The following IL1RAPL2 variants were observed in gnomAD, a reference collection of about 807,000 sequenced individuals.
IL1RAPL2 encodes X-linked interleukin-1 receptor accessory protein-like 2.
Under a neutral mutation model 44.1 loss-of-function variants are expected in IL1RAPL2, and 3 were observed. The ratio of observed to expected loss-of-function variants is 0.07; its 90% CI spans 0.03 to 0.18. The LOEUF is 0.18. IL1RAPL2 is among the 10% of genes least tolerant of loss of function. IL1RAPL2 has a pLI of 1.00. For synonymous variants in IL1RAPL2, 181 were observed against 178.8 expected, an observed-to-expected ratio of 1.01 and a Z score of -0.10; for missense variants, 391 against 496.4, an observed-to-expected ratio of 0.79 and a Z score of 2.02.
chrX:105,429,124 C>A (rs375130152), intron 5 of IL1RAPL2, among the ~76,000 whole-genome samples: 1 of 111,473 alleles, frequency 9.0e-6, no homozygotes, highest in Non-Finnish European at 1.9e-5. Flanking sequence ...ACAAAGAAAT[C>A]GTTCACCACT....
intron 5 of IL1RAPL2, among the ~76,000 whole-genome samples, chrX:105,447,075 T>TTA (rs1205983853): frequency 0.034 from 573 of 16,870 alleles, 35 homozygotes; most frequent in South Asian, 0.14. Context: ...CTGGTTAAAA[T>TTA]TATATATATA....
At chrX:104,739,250 G>T (rs1326578022) in intron 2 of IL1RAPL2, among the ~76,000 whole-genome samples, 1 of 111,664 alleles carries the variant, frequency 9.0e-6, no homozygotes, top group South Asian at 3.7e-4. Context: ...AAGAAATGTT[G>T]GTTCTCTTAT....
intron 2 of IL1RAPL2, among the ~76,000 whole-genome samples, chrX:104,998,391 T>A (rs1349105053): frequency 9.0e-6 from 1 of 110,886 alleles, no homozygotes; most frequent in African/African-American, 3.3e-5. Flanking sequence ...TTTTTCAAGA[T>A]TTGCCTTGAA....
At chrX:104,671,744 C>T (rs1602672158) in intron 2 of IL1RAPL2, among the ~76,000 whole-genome samples, 1 of 111,895 alleles carries the variant, frequency 8.9e-6, no homozygotes, top group Non-Finnish European at 1.9e-5. Flanking sequence ...GGATTACTGG[C>T]ACCCTAGCAG....
intron 1 of IL1RAPL2, among the ~76,000 whole-genome samples, chrX:104,592,145 A>ATGTATG (rs1928679774): frequency 1.7e-5 from 1 of 60,222 alleles, no homozygotes; most frequent in South Asian, 1.2e-3. Flanking sequence ...ATGCCCGTAT[A>ATGTATG]TGTGTGTGTG....
chrX:105,197,272 C>T (rs1469123787), intron 3 of IL1RAPL2, among the ~76,000 whole-genome samples: 1 of 110,943 alleles, frequency 9.0e-6, no homozygotes, highest in African/African-American at 3.3e-5. Flanking sequence ...GTGACTGACA[C>T]TATATTCCCT....
intron 2 of IL1RAPL2, among the ~76,000 whole-genome samples, chrX:104,990,683 A>G (rs1487813082): frequency 1.8e-5 from 2 of 111,544 alleles, no homozygotes; most frequent in African/African-American, 6.5e-5. Flanking sequence ...CCTGAGAGAG[A>G]AGGAAGACCT....
At chrX:105,394,605 CCTT>C in intron 5 of IL1RAPL2, among the ~76,000 whole-genome samples, 1 of 111,232 alleles carries the variant, frequency 9.0e-6, no homozygotes, top group Middle Eastern at 4.6e-3. Flanking sequence ...CCAAAACTCT[CCTT>C]CTTTCATCAG....
chrX:105,575,935 CT>C (rs1006139946), intron 6 of IL1RAPL2, among the ~76,000 whole-genome samples: 2 of 111,015 alleles, frequency 1.8e-5, no homozygotes, highest in African/African-American at 6.5e-5. Flanking sequence ...TGATATTAAG[CT>C]TTTTTTTCAT....
At chrX:105,327,445 A>C (rs996260966) in intron 5 of IL1RAPL2, among the ~76,000 whole-genome samples, 5 of 112,083 alleles carry the variant, frequency 4.5e-5, no homozygotes, top group African/African-American at 1.6e-4. Context: ...TGCAATATAG[A>C]TTCTCCTACA....
At chrX:104,834,963 A>G (rs1235024096) in intron 2 of IL1RAPL2, among the ~76,000 whole-genome samples, 1 of 111,862 alleles carries the variant, frequency 8.9e-6, no homozygotes, top group African/African-American at 3.2e-5. Flanking sequence ...TCTCATTCTG[A>G]CAAGGCTCTA....
intron 5 of IL1RAPL2, among the ~76,000 whole-genome samples, chrX:105,441,732 T>C (rs1158107316): frequency 2.7e-5 from 3 of 111,873 alleles, no homozygotes; most frequent in Non-Finnish European, 5.6e-5. Context: ...GACAAATGAA[T>C]GTGCTGGAAG....
intron 2 of IL1RAPL2, among the ~76,000 whole-genome samples, chrX:104,703,187 C>T (rs770574924): frequency 9.0e-6 from 1 of 111,484 alleles, no homozygotes; most frequent in Non-Finnish European, 1.9e-5. Context: ...TATTTTTGCT[C>T]TCTTAAGACT....
At chrX:105,030,032 TG>T (rs1397384962) in intron 2 of IL1RAPL2, among the ~76,000 whole-genome samples, 1 of 112,295 alleles carries the variant, frequency 8.9e-6, no homozygotes, top group Non-Finnish European at 1.9e-5. Context: ...ATGTGTTTTT[TG>T]GGGGCATAAA....
chrX:105,661,712 G>A (rs1024388479), intron 6 of IL1RAPL2, among the ~76,000 whole-genome samples: 6 of 111,963 alleles, frequency 5.4e-5, no homozygotes, highest in Admixed American at 9.5e-5. Flanking sequence ...ATTTCTGTCC[G>A]CTGATTCACA....
At chrX:104,947,330 G>A (rs1422690841) in intron 2 of IL1RAPL2, among the ~76,000 whole-genome samples, 2 of 97,711 alleles carry the variant, frequency 2.0e-5, no homozygotes, top group East Asian at 3.3e-4. Context: ...TTTGTCAGAT[G>A]AGTAGGTTGT....
chrX:104,618,454 C>T (rs749588078), intron 1 of IL1RAPL2, among the ~76,000 whole-genome samples: 31 of 112,078 alleles, frequency 2.8e-4, no homozygotes, highest in African/African-American at 6.5e-4. Flanking sequence ...GGTGTGCCTA[C>T]GTATGGAGCT....
chrX:105,009,861 T>C (rs898114839), intron 2 of IL1RAPL2, among the ~76,000 whole-genome samples: 1 of 111,343 alleles, frequency 9.0e-6, no homozygotes. Flanking sequence ...CCTCTCAGTA[T>C]GTGTGACTTC....
chrX:105,513,780 C>A (rs1398027343), intron 6 of IL1RAPL2, among the ~76,000 whole-genome samples: 1 of 111,081 alleles, frequency 9.0e-6, no homozygotes, highest in Non-Finnish European at 1.9e-5. Flanking sequence ...TTAATTAGAT[C>A]CCATTTGTCA....
Sources: allele counts gnomAD v4.1 joint callset (sites outside exome capture counted in the v4.1 genomes callset), GRCh38; gene constraint gnomAD v4.1.1; transcripts MANE v1.5; gene names NCBI Gene and HGNC (gene_info 2026-07-23, HGNC 2026-07-21).